Variants in SFMBT1 observed in about 807,000 individuals in gnomAD.
The protein encoded by SFMBT1 is Scm like with four mbt domains 1.
SFMBT1 carries 32 observed loss-of-function variants against 108.7 expected under a neutral mutation model. The observed-to-expected ratio is 0.29, with a 90% CI of 0.22 to 0.40. SFMBT1 has a LOEUF of 0.40. Ranked by LOEUF, SFMBT1 falls within the 10% of genes least tolerant of loss-of-function variation. SFMBT1 has a pLI of 1.00. For synonymous variants in SFMBT1, 348 were observed against 369.5 expected (o/e 0.94, Z 0.67); for missense variants, 816 against 1,059.6 (o/e 0.77, Z 3.19).
chr3:52,907,375 A>C (rs1265064540), intron 18 of SFMBT1, 61 bp from the exon 19 acceptor site: 2 of 1,546,258 alleles, frequency 1.3e-6, no homozygotes, highest in Non-Finnish European at 1.7e-6. Flanking sequence ...GTTTCATATG[A>C]TTAAAAAAAA....
At chr3:52,964,851 C>T (rs1209099948) in intron 2 of SFMBT1, among the ~76,000 whole-genome samples, 1 of 152,106 alleles carries the variant, frequency 6.6e-6, no homozygotes, top group Non-Finnish European at 1.5e-5. Flanking sequence ...TGAATGATGA[C>T]AGCAATACAT....
At chr3:52,946,609 T>G (rs1352678166) in intron 3 of SFMBT1, among the ~76,000 whole-genome samples, 2 of 152,240 alleles carry the variant, frequency 1.3e-5, no homozygotes, top group Non-Finnish European at 2.9e-5. Flanking sequence ...ATTTGGGCAG[T>G]TCACAGTTTT....
At chr3:52,953,994 A>G (rs1022614716) in intron 3 of SFMBT1, among the ~76,000 whole-genome samples, 21 of 151,964 alleles carry the variant, frequency 1.4e-4, no homozygotes, top group African/African-American at 5.1e-4. Context: ...GCGTGGTGGC[A>G]GGCGCCTGTA....
At chr3:52,907,792 C>T in intron 17 of SFMBT1, 59 bp from the exon 18 acceptor site, 2 of 1,471,426 alleles carry the variant, frequency 1.4e-6, no homozygotes, top group Non-Finnish European at 9.2e-7. Flanking sequence ...TACCTCAAAA[C>T]CACAAGAGAT....
chr3:53,002,234 C>A (rs1022819222), intron 1 of SFMBT1, among the ~76,000 whole-genome samples: 1 of 148,548 alleles, frequency 6.7e-6, no homozygotes, highest in Admixed American at 6.8e-5. Context: ...CCTGTCTCTA[C>A]TAAAAATACA....
intron 1 of SFMBT1, among the ~76,000 whole-genome samples, chr3:53,033,457 G>A (rs971324535): frequency 1.3e-5 from 2 of 151,912 alleles, no homozygotes; most frequent in South Asian, 2.1e-4. Context: ...CGCCGCGCCC[G>A]GCCCAACATT....
chr3:52,906,274 G>C (rs754272523), intron 19 of SFMBT1, 33 bp from the exon 20 acceptor site: 114 of 1,613,124 alleles, frequency 7.1e-5, no homozygotes, highest in Admixed American at 1.0e-4. Flanking sequence ...AAACCAAATG[G>C]TGTTACGGCT....
At chr3:52,999,866 C>T (rs1039731676) in intron 1 of SFMBT1, among the ~76,000 whole-genome samples, 2 of 148,536 alleles carry the variant, frequency 1.3e-5, no homozygotes, top group Admixed American at 6.8e-5. Context: ...GAAGTTTTTG[C>T]TTTTTTTTTG....
Position 52,916,192 on chromosome 3 carries a change from G to C in SFMBT1, c.1438C>G (p.His480Asp). 6.2e-7 allele frequency: 1 copy of C among 1,613,782 alleles called. No individual in the cohort carries two copies. The highest frequency in any genetic ancestry group is 1.1e-5 in the South Asian group (1 of 91,032). ...AGCTCCTGATTCCTCAGGCCCTCGT[G>C]GACAGTCCTCGAGGATGGTACTCTG... ...EKQVPSSRTVHEGLRNQELNS... is the reference protein window; with the variant it reads ...EKQVPSSRTVDEGLRNQELNS... Residue 480 changes from histidine (H) to aspartate (D), a missense_variant, in exon 14 of 21, where the codon CAC becomes GAC. Physicochemically the swap from His to Asp is moderately conservative, Grantham distance 81. Around this residue, in one of 5 missense-constraint regions of SFMBT1, gnomAD observed 495 missense variants for 607.4 expected, o/e 0.81. Coordinates refer to ENST00000394752, the MANE Select transcript of SFMBT1 (RefSeq NM_016329.4).
intron 14 of SFMBT1, among the ~76,000 whole-genome samples, chr3:52,914,445 A>G (rs13067373): frequency 0.11 from 17,131 of 152,198 alleles, 1,002 homozygotes; most frequent in Non-Finnish European, 0.13. Context: ...GAATAGTCAC[A>G]GCCAGGTGTT....
At chr3:52,991,703 C>T (rs1005207714) in intron 1 of SFMBT1, among the ~76,000 whole-genome samples, 26 of 152,182 alleles carry the variant, frequency 1.7e-4, no homozygotes, top group East Asian at 5.8e-4. Context: ...TTTCAGGAAG[C>T]GATTGGATCA....
At chr3:52,958,644 G>A (rs1703863191) in intron 2 of SFMBT1, among the ~76,000 whole-genome samples, 1 of 152,136 alleles carries the variant, frequency 6.6e-6, no homozygotes, top group Non-Finnish European at 1.5e-5. Flanking sequence ...TGTTGAGGCT[G>A]CAGAGAAATA....
At chr3:52,993,941 C>A (rs550913299) in intron 1 of SFMBT1, among the ~76,000 whole-genome samples, 2 of 149,988 alleles carry the variant, frequency 1.3e-5, no homozygotes, top group Non-Finnish European at 1.5e-5. Flanking sequence ...GGGAAAAGGT[C>A]GAAACTGTAA....
At chr3:52,954,960 C>G (rs1485106639) in intron 2 of SFMBT1, among the ~76,000 whole-genome samples, 1 of 151,840 alleles carries the variant, frequency 6.6e-6, no homozygotes, top group Admixed American at 6.6e-5. Context: ...CAAAATATAT[C>G]CAAAAGCTAG....
intron 1 of SFMBT1, among the ~76,000 whole-genome samples, chr3:53,036,124 C>A (rs1391604022): frequency 6.6e-6 from 1 of 152,080 alleles, no homozygotes; most frequent in Non-Finnish European, 1.5e-5. Context: ...TAGAGCATGC[C>A]CTCAAAGCAG....
chr3:52,928,649 T>TAC (rs1559514118), intron 8 of SFMBT1, among the ~76,000 whole-genome samples: 13 of 93,834 alleles, frequency 1.4e-4, no homozygotes, highest in African/African-American at 4.8e-4. Flanking sequence ...TATATATATA[T>TAC]ATATACACAT....
chr3:52,912,424 C>G lies in SFMBT1; in HGVS notation c.1730+114G>C. The G allele has an allele frequency of 4.0e-6, 3 of 745,302 alleles. No individual in the cohort carries two copies. In the Admixed American group the frequency reaches 6.6e-5, roughly 16 times the overall value. The allele number at this position is 745,302 out of a possible 1,614,324, so 46.2% of individuals were successfully genotyped here. ...TGAACTCCTGACCTTGTGATCCGCC[C>G]GCCTCGGCCTCCCAAAGTGCTGGGA... On this transcript the variant is annotated intron_variant, in intron 16 of 20. Transcript: ENST00000394752.
At chr3:52,928,505 T>G in intron 8 of SFMBT1, 164 bp from the exon 9 acceptor site, 1 of 659,124 alleles carries the variant, frequency 1.5e-6, no homozygotes, top group Non-Finnish European at 2.4e-6. Flanking sequence ...AATTACTGTT[T>G]TAATTAAATG....
chr3:52,958,727 A>G (rs998755046), intron 2 of SFMBT1, among the ~76,000 whole-genome samples: 1 of 152,244 alleles, frequency 6.6e-6, no homozygotes. Flanking sequence ...CCAATTCCTC[A>G]AAGACCTGGA....
Sources: gnomAD v4.1 joint callset for allele counts (sites outside exome capture counted in the v4.1 genomes callset) on GRCh38, gnomAD v4.1.1 for gene constraint, gnomAD v4.1.1 regional missense constraint, MANE v1.5 for transcripts, NCBI Gene and HGNC (gene_info 2026-07-23, HGNC 2026-07-21) for gene names.